CNTN6: variants seen among roughly 807,000 people sequenced by gnomAD.
CNTN6 encodes the protein contactin 6.
Under a neutral mutation model 122.8 loss-of-function variants are expected in CNTN6, and 137 were observed. The observed-to-expected ratio is 1.12, with a 90% CI of 0.97 to 1.29. CNTN6 has a LOEUF of 1.29. Among genes scored for constraint, CNTN6 ranks in the 50% most tolerant of loss-of-function variants. CNTN6 has a pLI of 0.00. For missense variants in CNTN6, 1,634 were observed against 1,223.4 expected, an observed-to-expected ratio of 1.34 and a Z score of -5.01; for synonymous variants, 570 against 426.0, an observed-to-expected ratio of 1.34 and a Z score of -4.16.
chr3:1,301,981 A>T (rs485239), intron 7 of CNTN6, among the ~76,000 whole-genome samples: 3 of 152,168 alleles, frequency 2.0e-5, no homozygotes, highest in African/African-American at 7.2e-5. Context: ...TTATAAATTA[A>T]GGTATTTAGC....
At chr3:1,202,110 T>C (rs1210672213) in intron 2 of CNTN6, among the ~76,000 whole-genome samples, 1 of 152,234 alleles carries the variant, frequency 6.6e-6, no homozygotes, top group Non-Finnish European at 1.5e-5. Flanking sequence ...TGCCAGTTCA[T>C]GTCGCTGGGG....
At chr3:1,304,298 T>C (rs927240837) in intron 7 of CNTN6, among the ~76,000 whole-genome samples, 1 of 151,410 alleles carries the variant, frequency 6.6e-6, no homozygotes, top group East Asian at 2.0e-4. Context: ...TTTTTTTCCA[T>C]ATATTTGTCT....
intron 4 of CNTN6, among the ~76,000 whole-genome samples, chr3:1,263,094 G>A (rs2094873731): frequency 6.6e-6 from 1 of 151,946 alleles, no homozygotes. Context: ...CCTATTTTCA[G>A]AACATTTTAT....
At chr3:1,342,847 T>A (rs1704102043) in intron 11 of CNTN6, among the ~76,000 whole-genome samples, 1 of 152,148 alleles carries the variant, frequency 6.6e-6, no homozygotes, top group African/African-American at 2.4e-5. Flanking sequence ...TCCTAGTGAT[T>A]TGAATGTAGA....
intron 2 of CNTN6, among the ~76,000 whole-genome samples, chr3:1,188,670 TA>T (rs2093660857): frequency 6.6e-6 from 1 of 152,198 alleles, no homozygotes; most frequent in Admixed American, 6.5e-5. Flanking sequence ...CAAAAGTGAA[TA>T]TTGCCAAGGA....
intron 11 of CNTN6, among the ~76,000 whole-genome samples, chr3:1,350,252 A>G (rs1705419455): frequency 6.6e-6 from 1 of 151,766 alleles, no homozygotes; most frequent in African/African-American, 2.4e-5. Flanking sequence ...CCACATTTTG[A>G]GGAGTAAACA....
rs1704072793 is a variant in CNTN6 at position 1,342,657 on chromosome 3, A to G, written c.1365-9667A>G. ...AGCTAGGACAGAGGCTAAAAAAAAT[A>G]CTAGAGATCTTATTGCGACAATTCT... is the stretch of plus-strand genomic sequence containing the variant. On this transcript the variant is annotated intron_variant, in intron 11 of 22. Transcript: ENST00000446702. 1.3e-5 allele frequency among the ~76,000 whole-genome samples: 2 copies of G among 152,204 alleles called. 1 individual carries two copies. The highest frequency in any genetic ancestry group is 4.1e-4 in the South Asian group (2 of 4,830).
At position 1,385,815 on chromosome 3, in the gene CNTN6, C is replaced by T; in HGVS notation, c.2704+18C>T. ...AAAGTCTCGTAAGTATGCATACACT[C>T]CAGGAAACAAGATTCATCTGTGAAG... On this transcript the variant is annotated intron_variant, in intron 20 of 22. Coordinates refer to ENST00000446702, the MANE Select transcript of CNTN6 (RefSeq NM_001289080.2). 3 of 1,579,934 alleles carry T rather than the reference C, an allele frequency of 1.9e-6. No individual in the cohort carries two copies. The African/African-American group carries it at 4.1e-5, about 22-fold the overall frequency.
chr3:1,299,265 A>T (rs893952955), intron 7 of CNTN6, among the ~76,000 whole-genome samples: 1 of 152,096 alleles, frequency 6.6e-6, no homozygotes, highest in African/African-American at 2.4e-5. Flanking sequence ...AACTTTCACC[A>T]TTTTCAGGCT....
intron 2 of CNTN6, among the ~76,000 whole-genome samples, chr3:1,205,252 G>A (rs2093942755): frequency 6.6e-6 from 1 of 152,100 alleles, no homozygotes; most frequent in Non-Finnish European, 1.5e-5. Flanking sequence ...CTTGATTTGA[G>A]CTCACTGAGA....
chr3:1,248,939 AC>A, intron 4 of CNTN6, among the ~76,000 whole-genome samples: 1 of 152,328 alleles, frequency 6.6e-6, no homozygotes, highest in South Asian at 2.1e-4. Flanking sequence ...TAATCATTCA[AC>A]TAATGCTTGT....
chr3:1,193,967 T>C (rs924646619), intron 2 of CNTN6, among the ~76,000 whole-genome samples: 5 of 152,138 alleles, frequency 3.3e-5, no homozygotes, highest in African/African-American at 1.2e-4. Flanking sequence ...ATGGCTTTTA[T>C]CTATGTTTTT....
intron 3 of CNTN6, among the ~76,000 whole-genome samples, chr3:1,225,657 G>A (rs1488463536): frequency 6.6e-6 from 1 of 151,128 alleles, no homozygotes; most frequent in Non-Finnish European, 1.5e-5. Context: ...GGTGTCTTGA[G>A]ACAGGCCTAA....
intron 4 of CNTN6, among the ~76,000 whole-genome samples, chr3:1,274,582 C>T (rs1691977848): frequency 6.6e-6 from 1 of 152,116 alleles, no homozygotes; most frequent in Non-Finnish European, 1.5e-5. Flanking sequence ...TCATACTTTA[C>T]ATGGATTGAA....
chr3:1,248,734 C>T (rs983279312), intron 4 of CNTN6, among the ~76,000 whole-genome samples: 1 of 151,968 alleles, frequency 6.6e-6, no homozygotes, highest in Non-Finnish European at 1.5e-5. Context: ...GCAGGAGGAT[C>T]GCTTGAACCC....
intron 2 of CNTN6, among the ~76,000 whole-genome samples, chr3:1,187,001 G>A (rs1257817564): frequency 1.3e-5 from 2 of 152,226 alleles, no homozygotes; most frequent in Non-Finnish European, 2.9e-5. Flanking sequence ...CAGCCAATTA[G>A]GAGAAATGAG....
intron 20 of CNTN6, 127 bp from the exon 21 acceptor site, chr3:1,401,306 A>G: frequency 1.4e-6 from 1 of 709,494 alleles, no homozygotes; most frequent in South Asian, 1.7e-5. Flanking sequence ...TTCAAATGAC[A>G]CTGAAGACAT....
chr3:1,385,568 A>T (rs1692753907), intron 19 of CNTN6, 43 bp from the exon 20 acceptor site: 1 of 1,481,912 alleles, frequency 6.7e-7, no homozygotes, highest in Non-Finnish European at 9.2e-7. Flanking sequence ...ATTGATAGTT[A>T]TTGGGGAACA....
At chr3:1,294,098 A>G (rs1180761994) in intron 5 of CNTN6, among the ~76,000 whole-genome samples, 1 of 152,198 alleles carries the variant, frequency 6.6e-6, no homozygotes, top group Admixed American at 6.5e-5. Context: ...GCTTACTCCT[A>G]GGAATCTAAC....
Sources: gnomAD v4.1 joint callset for allele counts (sites outside exome capture counted in the v4.1 genomes callset) on GRCh38, gnomAD v4.1.1 for gene constraint, MANE v1.5 for transcripts, NCBI Gene and HGNC (gene_info 2026-07-23, HGNC 2026-07-21) for gene names.